LGR5: variants seen among roughly 807,000 people sequenced by gnomAD.
LGR5 encodes leucine-rich repeat-containing G protein-coupled receptor 5.
In LGR5, 54 loss-of-function variants were observed where a neutral mutation model predicts 76.7. The ratio of observed to expected loss-of-function variants is 0.70; its 90% CI spans 0.57 to 0.88. The LOEUF is 0.88. LGR5 is among the 40% of genes least tolerant of loss of function. The pLI, the probability that LGR5 is intolerant of heterozygous loss-of-function variation, is 0.00. For missense variants in LGR5, 1,078 were observed against 1,073.3 expected, an observed-to-expected ratio of 1.00 and a Z score of -0.06; for synonymous variants, 406 against 421.9, an observed-to-expected ratio of 0.96 and a Z score of 0.46.
At chr12:71,491,245 T>C (rs538181861) in intron 1 of LGR5, among the ~76,000 whole-genome samples, 1 of 152,316 alleles carries the variant, frequency 6.6e-6, no homozygotes, top group African/African-American at 2.4e-5. Context: ...AATGAACTAA[T>C]ACAGACTTTA....
At chr12:71,571,487 T>A in intron 11 of LGR5, 27 bp from the exon 12 acceptor site, 1 of 1,534,716 alleles carries the variant, frequency 6.5e-7, no homozygotes, top group Non-Finnish European at 9.0e-7. Flanking sequence ...TAACAGATTT[T>A]CCCTTTTTGC....
chr12:71,473,458 C>G (rs1489469482), intron 1 of LGR5, among the ~76,000 whole-genome samples: 3 of 151,804 alleles, frequency 2.0e-5, no homozygotes, highest in South Asian at 2.1e-4. Context: ...TTTCCACTGC[C>G]CTGTCTGTTT....
At chr12:71,576,480 A>C (rs1289135785) in intron 13 of LGR5, among the ~76,000 whole-genome samples, 1 of 152,088 alleles carries the variant, frequency 6.6e-6, no homozygotes, top group Non-Finnish European at 1.5e-5. Flanking sequence ...AGAGAAGACC[A>C]TGAGGGCCCT....
chr12:71,570,802 TG>T (rs1878574613), intron 11 of LGR5, among the ~76,000 whole-genome samples: 2 of 152,216 alleles, frequency 1.3e-5, no homozygotes, highest in South Asian at 4.1e-4. Context: ...AGTGGTGATC[TG>T]GTTTTAAGAA....
At chr12:71,485,059 C>T (rs1873769198) in intron 1 of LGR5, among the ~76,000 whole-genome samples, 1 of 152,038 alleles carries the variant, frequency 6.6e-6, no homozygotes, top group Admixed American at 6.6e-5. Context: ...CTAGCATTAC[C>T]ATACTCTTGA....
intron 5 of LGR5, among the ~76,000 whole-genome samples, chr12:71,556,217 G>A (rs187190283): frequency 2.1e-4 from 32 of 151,950 alleles, no homozygotes; most frequent in African/African-American, 7.7e-4. Flanking sequence ...ATAACTAATG[G>A]GTACTAGGCT....
At chr12:71,581,035 A>G (rs10879303) in intron 16 of LGR5, among the ~76,000 whole-genome samples, 17,820 of 152,198 alleles carry the variant, frequency 0.12, 1,301 homozygotes, top group African/African-American at 0.2. Context: ...TACTGACATG[A>G]TGTTTCCATC....
At chr12:71,513,017 AGCT>A (rs1875241459) in intron 2 of LGR5, among the ~76,000 whole-genome samples, 1 of 152,210 alleles carries the variant, frequency 6.6e-6, no homozygotes, top group African/African-American at 2.4e-5. Flanking sequence ...AAATCACTGG[AGCT>A]GCTTATTAAA....
Position 71,547,992 on chromosome 12 carries a change from G to A in LGR5, c.429-5081G>A, listed in dbSNP as rs149599305. On this transcript the variant is annotated intron_variant, in intron 4 of 17. Coordinates refer to ENST00000266674, the MANE Select transcript of LGR5 (RefSeq NM_003667.4). ...TATATGTAACAGACCCCCCCCAAAA[G>A]GACCATAAAGTGGGTGCTATTTCCG... 1.0e-2 allele frequency among the ~76,000 whole-genome samples: 1,514 copies of A among 152,082 alleles called. 21 individuals carry two copies. The highest frequency in any genetic ancestry group is 0.034 in the African/African-American group (1,396 of 41,440).
chr12:71,502,099 T>C (rs1489721368), intron 1 of LGR5, among the ~76,000 whole-genome samples: 1 of 152,090 alleles, frequency 6.6e-6, no homozygotes, highest in Admixed American at 6.6e-5. Flanking sequence ...GTTGGTTTTC[T>C]AGTACTAGGT....
At chr12:71,444,195 C>CA (rs1308573510) in intron 1 of LGR5, among the ~76,000 whole-genome samples, 1 of 151,950 alleles carries the variant, frequency 6.6e-6, no homozygotes, top group Non-Finnish European at 1.5e-5. Context: ...GAAATGATTA[C>CA]AAAAATAGTA....
At chr12:71,519,450 A>G (rs958876514) in intron 2 of LGR5, among the ~76,000 whole-genome samples, 5 of 152,152 alleles carry the variant, frequency 3.3e-5, no homozygotes, top group South Asian at 4.1e-4. Context: ...TACCAGCTCC[A>G]TGAGGTCAGG....
intron 1 of LGR5, among the ~76,000 whole-genome samples, chr12:71,460,650 C>A (rs1592460106): frequency 6.6e-6 from 1 of 152,060 alleles, no homozygotes; most frequent in East Asian, 1.9e-4. Context: ...CATGTTTAAC[C>A]CACAGACATT....
intron 1 of LGR5, chr12:71,441,994 G>A (rs954119776): frequency 3.9e-5 from 6 of 152,206 alleles, no homozygotes; most frequent in Non-Finnish European, 7.3e-5. Flanking sequence ...AGACCAGTTT[G>A]GCAATTTTGC....
chr12:71,481,836 G>A (rs536841205), intron 1 of LGR5, among the ~76,000 whole-genome samples: 94 of 152,140 alleles, frequency 6.2e-4, no homozygotes, highest in Non-Finnish European at 1.1e-3. Flanking sequence ...TGCCTGGGGG[G>A]TATTTTCTGT....
intron 11 of LGR5, among the ~76,000 whole-genome samples, chr12:71,570,494 A>G (rs1427584092): frequency 2.0e-5 from 3 of 152,124 alleles, no homozygotes; most frequent in Non-Finnish European, 4.4e-5. Flanking sequence ...CAGCTTTGAT[A>G]ATATGTGTGT....
chr12:71,462,277 G>A (rs1461461826), intron 1 of LGR5, among the ~76,000 whole-genome samples: 1 of 152,120 alleles, frequency 6.6e-6, no homozygotes, highest in East Asian at 1.9e-4. Context: ...AGAGTCTGGA[G>A]AGAGTTTCCT....
chr12:71,583,443 G>A (rs923637687), intron 17 of LGR5: 16 of 577,648 alleles, frequency 2.8e-5, no homozygotes, highest in African/African-American at 5.6e-5. Flanking sequence ...CAGGAGCACC[G>A]GGTGTACTCA....
At chr12:71,561,939 C>A in intron 8 of LGR5, 87 bp downstream of exon 8, 1 of 832,522 alleles carries the variant, frequency 1.2e-6, no homozygotes, top group Non-Finnish European at 1.9e-6. Context: ...TCTATATTTG[C>A]CTGAGTTTTG....
Sources: allele counts gnomAD v4.1 joint callset (sites outside exome capture counted in the v4.1 genomes callset), GRCh38; gene constraint gnomAD v4.1.1; transcripts MANE v1.5; gene names NCBI Gene and HGNC (gene_info 2026-07-23, HGNC 2026-07-21).